The following CADPS2 variants were observed in gnomAD, a reference collection of about 807,000 sequenced individuals.
The protein encoded by CADPS2 is calcium dependent secretion activator 2.
Under a neutral mutation model 172.5 loss-of-function variants are expected in CADPS2, and 93 were observed. The ratio of observed to expected loss-of-function variants is 0.54; its 90% CI spans 0.46 to 0.64. The LOEUF (loss-of-function observed/expected upper bound fraction) is 0.64, where lower values mean the gene tolerates loss of function less well. CADPS2 is among the 30% of genes least tolerant of loss of function. The pLI, the probability that CADPS2 is intolerant of heterozygous loss-of-function variation, is 0.00. For missense variants in CADPS2, 1,420 were observed against 1,565.9 expected, an observed-to-expected ratio of 0.91 and a Z score of 1.57; for synonymous variants, 546 against 555.2, an observed-to-expected ratio of 0.98 and a Z score of 0.23.
chr7:122,584,834 A>G (rs1026745121), intron 6 of CADPS2, among the ~76,000 whole-genome samples: 1 of 151,832 alleles, frequency 6.6e-6, no homozygotes, highest in Non-Finnish European at 1.5e-5. Context: ...TTCTATTTTT[A>G]TTACATCAGA....
chr7:122,509,188 CT>C (rs1173745211), intron 9 of CADPS2, among the ~76,000 whole-genome samples: 1 of 152,086 alleles, frequency 6.6e-6, no homozygotes, highest in Non-Finnish European at 1.5e-5. Flanking sequence ...CCCATGTGTG[CT>C]GAATATTTCA....
Position 122,886,121 on chromosome 7 carries a change from G to C in CADPS2, c.217C>G (p.Arg73Gly). 1 of 1,560,714 alleles carries C rather than the reference G, an allele frequency of 6.4e-7. No homozygotes were observed. The highest frequency in any genetic ancestry group is 8.7e-7 in the Non-Finnish European group (1 of 1,153,302). Residue 73 changes from arginine to glycine, a missense_variant, in exon 1 of 30, where the codon CGG becomes GGG. Transcript: ENST00000449022. ...VLSEGRDEPQ[R>G]QLDDEQERRI... ...CGCTCCTGCTCATCGTCCAGCTGCCGCTGGGGCTCGTCTCGCCCCTCGCTG... is the reference window on the plus strand; with the variant it reads ...CGCTCCTGCTCATCGTCCAGCTGCCCCTGGGGCTCGTCTCGCCCCTCGCTG...
At chr7:122,352,488 C>T (rs934379558) in intron 27 of CADPS2, among the ~76,000 whole-genome samples, 2 of 152,152 alleles carry the variant, frequency 1.3e-5, no homozygotes, top group Non-Finnish European at 2.9e-5. Flanking sequence ...ATTTATCTTA[C>T]ATAAGAGAGA....
intron 1 of CADPS2, among the ~76,000 whole-genome samples, chr7:122,836,231 A>G (rs1411132347): frequency 1.3e-5 from 2 of 152,230 alleles, no homozygotes; most frequent in African/African-American, 4.8e-5. Context: ...GCAAATGATA[A>G]GAGATTTTGT....
chr7:122,840,103 A>G (rs1403204519), intron 1 of CADPS2, among the ~76,000 whole-genome samples: 2 of 152,220 alleles, frequency 1.3e-5, no homozygotes, highest in Non-Finnish European at 1.5e-5. Flanking sequence ...TGCAGCCAAA[A>G]AAAGGATGAG....
chr7:122,402,870 T>C (rs1048137198), intron 20 of CADPS2, among the ~76,000 whole-genome samples: 2 of 152,226 alleles, frequency 1.3e-5, no homozygotes, highest in African/African-American at 4.8e-5. Context: ...TCTGTCCTAT[T>C]ACCTTTGGCT....
intron 9 of CADPS2, among the ~76,000 whole-genome samples, chr7:122,497,578 C>T (rs28625932): frequency 6.6e-6 from 1 of 151,998 alleles, no homozygotes; most frequent in Non-Finnish European, 1.5e-5. Context: ...ATTAGTTCTA[C>T]CTTATTTTAG....
rs540082046 is a variant in CADPS2, at chr7:122,497,619, G to A, written c.1543-6199C>T. 2.6e-5 allele frequency among the ~76,000 whole-genome samples: 4 copies of A among 152,102 alleles called. No individual in the cohort carries two copies. In the South Asian group the frequency reaches 8.3e-4, roughly 32 times the overall value. On this transcript the variant is annotated intron_variant, in intron 9 of 29. Coordinates refer to ENST00000449022, the MANE Select transcript of CADPS2 (RefSeq NM_017954.11). Reference sequence around the variant, plus strand: ...TTTAGTATATTAGCATTTAGTAATAGAAATTCATTATTAAAGTATATGATC... The same window carrying A: ...TTTAGTATATTAGCATTTAGTAATAAAAATTCATTATTAAAGTATATGATC...
chr7:122,692,152 C>T (rs554698982), intron 2 of CADPS2, among the ~76,000 whole-genome samples: 55 of 152,246 alleles, frequency 3.6e-4, no homozygotes, highest in Non-Finnish European at 5.7e-4. Context: ...GGTTGTACAC[C>T]AACGTCCTTC....
At chr7:122,343,293 C>T (rs2037064615) in intron 28 of CADPS2, among the ~76,000 whole-genome samples, 1 of 152,118 alleles carries the variant, frequency 6.6e-6, no homozygotes, top group African/African-American at 2.4e-5. Context: ...AAATACAAAA[C>T]CTTCACAACC....
chr7:122,543,625 AT>A (rs1409065027), intron 8 of CADPS2, among the ~76,000 whole-genome samples: 1 of 152,128 alleles, frequency 6.6e-6, no homozygotes, highest in African/African-American at 2.4e-5. Context: ...GGATGTTATA[AT>A]TTTATAGTAG....
intron 2 of CADPS2, among the ~76,000 whole-genome samples, chr7:122,722,899 T>C (rs184166963): frequency 1.3e-5 from 2 of 151,930 alleles, no homozygotes; most frequent in East Asian, 3.9e-4. Context: ...GTCTGATCTT[T>C]GACAAACCTG....
At chr7:122,559,649 T>C (rs1308152602) in intron 7 of CADPS2, among the ~76,000 whole-genome samples, 2 of 150,966 alleles carry the variant, frequency 1.3e-5, no homozygotes, top group Non-Finnish European at 2.9e-5. Flanking sequence ...CGGGTGCCTG[T>C]AATCCCAGCT....
chr7:122,809,690 A>G (rs975726948), intron 1 of CADPS2, among the ~76,000 whole-genome samples: 1 of 152,176 alleles, frequency 6.6e-6, no homozygotes, highest in Non-Finnish European at 1.5e-5. Flanking sequence ...AAGACTAATT[A>G]TAAGAAGTCA....
chr7:122,473,191 C>T (rs1169215498), intron 13 of CADPS2, among the ~76,000 whole-genome samples: 1 of 152,002 alleles, frequency 6.6e-6, no homozygotes, highest in Non-Finnish European at 1.5e-5. Flanking sequence ...GAGTTTTGGC[C>T]AATCAAAGGT....
chr7:122,516,631 T>C (rs1554588762), intron 8 of CADPS2, among the ~76,000 whole-genome samples: 1 of 151,944 alleles, frequency 6.6e-6, no homozygotes, highest in Non-Finnish European at 1.5e-5. Context: ...AATCAAAAAT[T>C]AAAAAATAAT....
chr7:122,362,719 T>G (rs1441031202), intron 25 of CADPS2, among the ~76,000 whole-genome samples: 1 of 152,224 alleles, frequency 6.6e-6, no homozygotes, highest in Non-Finnish European at 1.5e-5. Flanking sequence ...AGACTGGTTT[T>G]TGTTCACATA....
chr7:122,458,377 G>A (rs1190470693), intron 14 of CADPS2, among the ~76,000 whole-genome samples: 1 of 152,072 alleles, frequency 6.6e-6, no homozygotes, highest in Non-Finnish European at 1.5e-5. Context: ...ACCTCCTATT[G>A]TTTGAATCAA....
chr7:122,452,932 A>T (rs1461796018), intron 14 of CADPS2, among the ~76,000 whole-genome samples: 1 of 152,174 alleles, frequency 6.6e-6, no homozygotes, highest in Non-Finnish European at 1.5e-5. Context: ...TAACTAGTCA[A>T]TTAGGATGAA....
Sources: gnomAD v4.1 joint callset for allele counts (sites outside exome capture counted in the v4.1 genomes callset) on GRCh38, gnomAD v4.1.1 for gene constraint, MANE v1.5 for transcripts, NCBI Gene and HGNC (gene_info 2026-07-23, HGNC 2026-07-21) for gene names.